The following SORCS2 variants were observed in gnomAD, a reference collection of about 807,000 sequenced individuals.
SORCS2 encodes sortilin related VPS10 domain containing receptor 2.
SORCS2 carries 100 observed loss-of-function variants against 141.6 expected under a neutral mutation model. That is an observed-to-expected ratio of 0.71 (90% confidence interval 0.60 to 0.83). SORCS2 has a LOEUF of 0.83. SORCS2 is among the 40% of genes least tolerant of loss of function. The pLI is 0.00. For synonymous variants in SORCS2, 789 were observed against 676.9 expected, an observed-to-expected ratio of 1.17 and a Z score of -2.57; for missense variants, 1,646 against 1,560.2, an observed-to-expected ratio of 1.05 and a Z score of -0.93.
intron 23 of SORCS2, 132 bp downstream of exon 23, chr4:7,729,844 C>T: frequency 7.5e-7 from 1 of 1,335,900 alleles, no homozygotes; most frequent in Non-Finnish European, 1.0e-6. Context: ...CAGTCTGACT[C>T]AGGGTGGCTT....
At chr4:7,305,727 G>C (rs902318670) in intron 1 of SORCS2, among the ~76,000 whole-genome samples, 31 of 152,164 alleles carry the variant, frequency 2.0e-4, no homozygotes, top group Admixed American at 2.0e-3. Flanking sequence ...AGACCTTCTC[G>C]ATGCCGCTTG....
intron 3 of SORCS2, among the ~76,000 whole-genome samples, chr4:7,534,384 G>A (rs999063876): frequency 3.2e-4 from 48 of 152,206 alleles, no homozygotes; most frequent in African/African-American, 1.1e-3. Context: ...CAGTGATCAA[G>A]GGTGGGCTTG....
chr4:7,387,809 C>CGCACACACAT (rs1319805942), intron 1 of SORCS2, among the ~76,000 whole-genome samples: 46 of 143,742 alleles, frequency 3.2e-4, no homozygotes, highest in East Asian at 8.0e-4. Context: ...CACATGCACA[C>CGCACACACAT]ACAGATACAG....
chr4:7,333,343 G>T (rs922274977), intron 1 of SORCS2, among the ~76,000 whole-genome samples: 1 of 152,226 alleles, frequency 6.6e-6, no homozygotes, highest in Non-Finnish European at 1.5e-5. Context: ...GGGACCCACT[G>T]CAGTTACCCA....
chr4:7,729,066 G>T (rs140912916), intron 22 of SORCS2, among the ~76,000 whole-genome samples: 85 of 152,354 alleles, frequency 5.6e-4, no homozygotes, highest in Non-Finnish European at 9.7e-4. Context: ...TTTGCCAGAT[G>T]GAAGTGCATG....
intron 3 of SORCS2, among the ~76,000 whole-genome samples, chr4:7,587,816 G>A (rs1716642041): frequency 6.6e-6 from 1 of 152,226 alleles, no homozygotes; most frequent in Non-Finnish European, 1.5e-5. Flanking sequence ...CACCTCCACA[G>A]TCCTGGCCAT....
At chr4:7,507,493 TG>T (rs1406381717) in intron 2 of SORCS2, among the ~76,000 whole-genome samples, 9 of 152,166 alleles carry the variant, frequency 5.9e-5, no homozygotes, top group African/African-American at 2.2e-4. Flanking sequence ...TTTTAAAGTT[TG>T]TGTAGAAGAA....
intron 1 of SORCS2, among the ~76,000 whole-genome samples, chr4:7,240,139 G>A (rs964967530): frequency 3.3e-5 from 5 of 152,226 alleles, no homozygotes; most frequent in African/African-American, 9.6e-5. Flanking sequence ...TCTGGGCTGT[G>A]ATGACCCCGG....
intron 12 of SORCS2, among the ~76,000 whole-genome samples, chr4:7,699,610 G>C (rs1361299038): frequency 6.6e-6 from 1 of 152,138 alleles, no homozygotes; most frequent in Admixed American, 6.5e-5. Flanking sequence ...CAAAGCAGTC[G>C]TTTAGGCTCC....
chr4:7,584,230 G>C (rs998789526), intron 3 of SORCS2, among the ~76,000 whole-genome samples: 1 of 152,216 alleles, frequency 6.6e-6, no homozygotes, highest in Non-Finnish European at 1.5e-5. Flanking sequence ...AAGAGGAAAG[G>C]AGTCCAAGAG....
At chr4:7,611,427 G>A (rs375992857) in intron 3 of SORCS2, among the ~76,000 whole-genome samples, 3 of 152,270 alleles carry the variant, frequency 2.0e-5, no homozygotes, top group South Asian at 2.1e-4. Flanking sequence ...AAGGGAAACC[G>A]GCCGACCAGC....
At chr4:7,302,922 C>CATTCATA (rs1310350717) in intron 1 of SORCS2, among the ~76,000 whole-genome samples, 2 of 152,164 alleles carry the variant, frequency 1.3e-5, no homozygotes, top group Non-Finnish European at 2.9e-5. Flanking sequence ...CCTGATCACA[C>CATTCATA]ATTCGTAATT....
chr4:7,458,213 G>A (rs1487607831), intron 2 of SORCS2, among the ~76,000 whole-genome samples: 2 of 152,132 alleles, frequency 1.3e-5, no homozygotes, highest in Non-Finnish European at 2.9e-5. Flanking sequence ...GCGGGGGGAG[G>A]CGGGGCTGGC....
intron 3 of SORCS2, among the ~76,000 whole-genome samples, chr4:7,623,037 T>C (rs921818367): frequency 2.0e-5 from 3 of 152,000 alleles, no homozygotes; most frequent in Non-Finnish European, 4.4e-5. Flanking sequence ...AGAGGGCAGA[T>C]GAAGGACAGA....
chr4:7,283,140 C>T (rs1338093411), intron 1 of SORCS2, among the ~76,000 whole-genome samples: 1 of 152,212 alleles, frequency 6.6e-6, no homozygotes, highest in Non-Finnish European at 1.5e-5. Flanking sequence ...ATGTTCCAGG[C>T]ACCTTTCTAG....
At chr4:7,640,345 T>G (rs943032758) in intron 4 of SORCS2, among the ~76,000 whole-genome samples, 3 of 144,444 alleles carry the variant, frequency 2.1e-5, no homozygotes, top group African/African-American at 7.8e-5. Flanking sequence ...TGTGTGAGAG[T>G]GTGAGAGCCT....
In SORCS2 at chr4:7,740,561, G is replaced by A. The variant is rs760172824; in HGVS notation, c.*297G>A. On this transcript the variant is annotated 3_prime_UTR_variant, in exon 27 of 27. Coordinates refer to ENST00000507866, the MANE Select transcript of SORCS2 (RefSeq NM_020777.3). Reference sequence around the variant, plus strand: ...CGGCCGCCCCACGTGCTGTCGCTCAGCCCGAGGCCTGACTTCTCTGGGCTG... The same window carrying A: ...CGGCCGCCCCACGTGCTGTCGCTCAACCCGAGGCCTGACTTCTCTGGGCTG... The A allele has an allele frequency of 4.7e-5, 22 of 463,464 alleles. No individual in the cohort carries two copies. The highest frequency in any genetic ancestry group is 1.4e-4 in the African/African-American group (7 of 51,472). The allele number at this position is 463,464 out of a possible 1,614,324, so 28.7% of individuals were successfully genotyped here.
intron 1 of SORCS2, among the ~76,000 whole-genome samples, chr4:7,394,952 T>C (rs1434578174): frequency 6.8e-6 from 1 of 147,952 alleles, no homozygotes; most frequent in African/African-American, 2.4e-5. Context: ...GGGAACAGCG[T>C]GACTATATCA....
In SORCS2 at chr4:7,588,573, C is replaced by G. The variant is rs114800984; in HGVS notation, c.649-49755C>G. Reference sequence around the variant, plus strand: ...TTCCCTCTGAGGTTGAAGAGCCCCCCTCTGACCTTGGTTCAGGGGAATCAC... The same window carrying G: ...TTCCCTCTGAGGTTGAAGAGCCCCCGTCTGACCTTGGTTCAGGGGAATCAC... On this transcript the variant is annotated intron_variant, in intron 3 of 26. Transcript: ENST00000507866. 6.4e-3 allele frequency among the ~76,000 whole-genome samples: 976 copies of G among 152,288 alleles called. 12 individuals carry two copies. The highest frequency in any genetic ancestry group is 0.022 in the African/African-American group (935 of 41,556).
Sources: gnomAD v4.1 joint callset for allele counts (sites outside exome capture counted in the v4.1 genomes callset) on GRCh38, gnomAD v4.1.1 for gene constraint, MANE v1.5 for transcripts, NCBI Gene and HGNC (gene_info 2026-07-23, HGNC 2026-07-21) for gene names.